Variants in PBX1 observed in about 807,000 individuals in gnomAD.
PBX1 encodes the protein pre-B-cell leukemia transcription factor 1.
A neutral mutation model predicts 53.4 loss-of-function variants in PBX1; 6 were observed. The ratio of observed to expected loss-of-function variants is 0.11; its 90% CI spans 0.06 to 0.22. The LOEUF (loss-of-function observed/expected upper bound fraction) is 0.22. Among genes scored for constraint, PBX1 ranks in the 10% least tolerant of loss-of-function variants. The pLI is 1.00. For missense variants in PBX1, 251 were observed against 551.4 expected, an observed-to-expected ratio of 0.46 and a Z score of 5.46; for synonymous variants, 204 against 212.3, an observed-to-expected ratio of 0.96 and a Z score of 0.34.
chr1:164,675,724 C>T (rs559829191), intron 2 of PBX1, among the ~76,000 whole-genome samples: 84 of 152,250 alleles, frequency 5.5e-4, no homozygotes, highest in African/African-American at 1.8e-3. Context: ...ACCCAGACCC[C>T]GCCCCCAGAC....
At chr1:164,814,379 CT>C (rs1669773751) in intron 6 of PBX1, 1 of 152,024 alleles carries the variant, frequency 6.6e-6, no homozygotes, top group Non-Finnish European at 1.5e-5. Context: ...TTTTCATAAC[CT>C]CAGTATTGAA....
At chr1:164,854,335 A>G (rs1671929916), downstream of PBX1, 2 of 103,494 alleles carry the variant, frequency 1.9e-5, no homozygotes, top group Non-Finnish European at 3.9e-5. Context: ...AGCCTTTTAA[A>G]TTAAAAAAAA....
At chr1:164,588,838 C>G (rs1313855241) in intron 2 of PBX1, among the ~76,000 whole-genome samples, 1 of 152,188 alleles carries the variant, frequency 6.6e-6, no homozygotes, top group East Asian at 1.9e-4. Context: ...CCTCCGCCCC[C>G]ACCATGCCCT....
chr1:164,622,971 C>T (rs1657786385), intron 2 of PBX1, among the ~76,000 whole-genome samples: 1 of 152,040 alleles, frequency 6.6e-6, no homozygotes, highest in South Asian at 2.1e-4. Context: ...CGTGCCACTA[C>T]ACCCGGCTAA....
intron 5 of PBX1, among the ~76,000 whole-genome samples, chr1:164,807,992 A>G (rs1474730031): frequency 6.6e-6 from 1 of 152,214 alleles, no homozygotes; most frequent in Non-Finnish European, 1.5e-5. Context: ...GTACTAGGAA[A>G]GTTATCTGCA....
chr1:164,687,757 C>A (rs1457487607), intron 2 of PBX1, among the ~76,000 whole-genome samples: 1 of 152,124 alleles, frequency 6.6e-6, no homozygotes, highest in East Asian at 1.9e-4. Flanking sequence ...ACCAGCCATA[C>A]AGTTAGTAAC....
intron 2 of PBX1, among the ~76,000 whole-genome samples, chr1:164,606,648 C>G (rs1656581482): frequency 6.6e-6 from 1 of 152,174 alleles, no homozygotes. Context: ...TCTCTCTTTC[C>G]TGCTGGAACA....
At chr1:164,580,709 T>C (rs2101739377) in intron 2 of PBX1, among the ~76,000 whole-genome samples, 2 of 152,128 alleles carry the variant, frequency 1.3e-5, no homozygotes, top group South Asian at 4.1e-4. Context: ...CCCGAGTAGC[T>C]GGGATTACAG....
chr1:164,825,826 A>T (rs1024476105), intron 8 of PBX1, among the ~76,000 whole-genome samples: 8 of 152,184 alleles, frequency 5.3e-5, no homozygotes, highest in East Asian at 1.9e-4. Context: ...ATCCCTGTTT[A>T]AAAAAAGTAT....
intron 2 of PBX1, among the ~76,000 whole-genome samples, chr1:164,691,571 C>T (rs1219055365): frequency 6.6e-6 from 1 of 152,174 alleles, no homozygotes; most frequent in African/African-American, 2.4e-5. Context: ...TCTAGACACA[C>T]CTGAGGCTGA....
At chr1:164,724,152 G>A (rs1571290711) in intron 2 of PBX1, among the ~76,000 whole-genome samples, 1 of 152,128 alleles carries the variant, frequency 6.6e-6, no homozygotes, top group Non-Finnish European at 1.5e-5. Context: ...GTGATACTGG[G>A]TTACAAGTCT....
chr1:164,766,016 T>A (rs527820315), intron 2 of PBX1, among the ~76,000 whole-genome samples: 1 of 152,236 alleles, frequency 6.6e-6, no homozygotes, highest in Non-Finnish European at 1.5e-5. Flanking sequence ...TAAAATATGG[T>A]CCCTGCCCTT....
chr1:164,625,436 TC>T (rs1245078630), intron 2 of PBX1, among the ~76,000 whole-genome samples: 3 of 152,322 alleles, frequency 2.0e-5, no homozygotes, highest in East Asian at 3.9e-4. Context: ...CTTCTCTCTT[TC>T]CCCGTACATT....
chr1:164,760,960 C>T (rs1377757464), intron 2 of PBX1, among the ~76,000 whole-genome samples: 1 of 152,142 alleles, frequency 6.6e-6, no homozygotes, highest in Non-Finnish European at 1.5e-5. Context: ...TTTTTGGATA[C>T]TTTCTTTCCT....
chr1:164,808,971 T>C (rs1669481406), intron 5 of PBX1, among the ~76,000 whole-genome samples: 1 of 152,146 alleles, frequency 6.6e-6, no homozygotes, highest in Non-Finnish European at 1.5e-5. Flanking sequence ...AGCCTAGTTT[T>C]TTCTAGGGCT....
At chr1:164,562,426 GT>G (rs1653118858) in intron 1 of PBX1, among the ~76,000 whole-genome samples, 2 of 146,502 alleles carry the variant, frequency 1.4e-5, no homozygotes, top group Admixed American at 1.4e-4. Context: ...GAAAGGTATT[GT>G]TTTGTTCCTC....
At chr1:164,635,604 G>A (rs528345115) in intron 2 of PBX1, among the ~76,000 whole-genome samples, 9 of 152,302 alleles carry the variant, frequency 5.9e-5, no homozygotes, top group Admixed American at 3.3e-4. Context: ...GTCTCGCCAC[G>A]CTTTTCACCC....
At chr1:164,785,099 A>G (rs1668110220) in intron 2 of PBX1, among the ~76,000 whole-genome samples, 1 of 152,314 alleles carries the variant, frequency 6.6e-6, no homozygotes, top group East Asian at 1.9e-4. Flanking sequence ...AGGCCGCTCC[A>G]GGCCTACTGC....
intron 2 of PBX1, among the ~76,000 whole-genome samples, chr1:164,648,747 A>G (rs1352907869): frequency 1.3e-5 from 2 of 152,088 alleles, no homozygotes; most frequent in East Asian, 1.9e-4. Context: ...TCTTTTTCAG[A>G]TAGGAGAGAA....
Sources: allele counts gnomAD v4.1 joint callset (sites outside exome capture counted in the v4.1 genomes callset), GRCh38; gene constraint gnomAD v4.1.1; transcripts MANE v1.5; gene names NCBI Gene and HGNC (gene_info 2026-07-23, HGNC 2026-07-21).